The following LAMA2 variants were observed in gnomAD, a reference collection of about 807,000 sequenced individuals.
LAMA2 encodes the protein laminin subunit alpha 2.
LAMA2 carries 269 observed loss-of-function variants against 364.8 expected under a neutral mutation model. The observed-to-expected ratio is 0.74, with a 90% CI of 0.67 to 0.82. The LOEUF is 0.82. Ranked by LOEUF, LAMA2 falls within the 40% of genes least tolerant of loss-of-function variation. The probability of loss-of-function intolerance (pLI) is 0.00; values close to 1 mark genes in which losing one functional copy is unlikely to be tolerated. For missense variants in LAMA2, 3,807 were observed against 3,873.2 expected, an observed-to-expected ratio of 0.98 and a Z score of 0.45; for synonymous variants, 1,379 against 1,370.6, an observed-to-expected ratio of 1.01 and a Z score of -0.14.
intron 22 of LAMA2, among the ~76,000 whole-genome samples, chr6:129,310,608 T>C (rs1172170449): frequency 6.6e-6 from 1 of 152,094 alleles, no homozygotes; most frequent in Non-Finnish European, 1.5e-5. Context: ...GAAACTACAC[T>C]GGTTTTTTAA....
chr6:129,172,504 G>A (rs1234028839), intron 9 of LAMA2, among the ~76,000 whole-genome samples: 2 of 152,204 alleles, frequency 1.3e-5, no homozygotes, highest in Non-Finnish European at 2.9e-5. Flanking sequence ...AGGGGTCAGG[G>A]ACCCACTTGA....
chr6:129,282,417 G>A (rs1238113167), intron 18 of LAMA2, among the ~76,000 whole-genome samples: 1 of 152,144 alleles, frequency 6.6e-6, no homozygotes, highest in Non-Finnish European at 1.5e-5. Context: ...TGTGGGAACT[G>A]TGAGGTCTTA....
chr6:129,482,142 C>CA (rs1489077205), intron 55 of LAMA2, among the ~76,000 whole-genome samples: 5 of 152,084 alleles, frequency 3.3e-5, no homozygotes, highest in East Asian at 3.8e-4. Context: ...CCTTTCTCTA[C>CA]AAAAAATGTT....
At chr6:129,476,152 C>G (rs151067222) in intron 53 of LAMA2, among the ~76,000 whole-genome samples, 2 of 152,248 alleles carry the variant, frequency 1.3e-5, no homozygotes, top group African/African-American at 4.8e-5. Context: ...CTGGTATCCT[C>G]TGGCTAGAGC....
intron 48 of LAMA2, among the ~76,000 whole-genome samples, chr6:129,457,370 C>A (rs748652720): frequency 2.6e-5 from 4 of 152,050 alleles, no homozygotes; most frequent in Non-Finnish European, 5.9e-5. Context: ...ATATTATCAA[C>A]TTTCTCTCCT....
intron 4 of LAMA2, among the ~76,000 whole-genome samples, chr6:129,108,697 A>G (rs933286600): frequency 6.6e-6 from 1 of 152,126 alleles, no homozygotes; most frequent in African/African-American, 2.4e-5. Context: ...ACTGACCAAC[A>G]TTTCTTCCCA....
At chr6:128,947,084 A>G (rs1303427779) in intron 1 of LAMA2, among the ~76,000 whole-genome samples, 2 of 152,250 alleles carry the variant, frequency 1.3e-5, no homozygotes, top group East Asian at 3.8e-4. Flanking sequence ...AATTGCAAAC[A>G]CATCACCCTG....
At chr6:129,372,080 C>T (rs550699945) in intron 34 of LAMA2, among the ~76,000 whole-genome samples, 1 of 152,128 alleles carries the variant, frequency 6.6e-6, no homozygotes, top group Non-Finnish European at 1.5e-5. Context: ...CATATCTACT[C>T]CCTGCCCCCA....
chr6:129,324,536 G>A (rs572515380), intron 28 of LAMA2, among the ~76,000 whole-genome samples: 2 of 152,242 alleles, frequency 1.3e-5, no homozygotes, highest in African/African-American at 2.4e-5. Flanking sequence ...GCTGCTTAAC[G>A]ACAGGGATAC....
At chr6:129,106,489 C>T (rs1424374986) in intron 4 of LAMA2, among the ~76,000 whole-genome samples, 4 of 152,134 alleles carry the variant, frequency 2.6e-5, no homozygotes, top group Non-Finnish European at 5.9e-5. Flanking sequence ...CGGAGTATTA[C>T]TAATTTGTAT....
chr6:128,993,320 G>A (rs577495037), intron 1 of LAMA2, among the ~76,000 whole-genome samples: 12 of 152,286 alleles, frequency 7.9e-5, no homozygotes, highest in Admixed American at 2.6e-4. Flanking sequence ...GAACAGTTGC[G>A]TCTCACAAAT....
Position 129,453,109 on chromosome 6 carries a change from T to C in LAMA2, c.6551T>C (p.Phe2184Ser), listed in dbSNP as rs398123381. The C allele has an allele frequency of 2.5e-6, 4 of 1,613,006 alleles. No individual in the cohort carries two copies. Among genetic ancestry groups the C allele is most frequent in the Admixed American group, 3.3e-5 (2 of 60,004 alleles). The change falls in exon 46 of 65, where the codon TTT (phenylalanine) becomes TCT (serine). Residue 2184 changes from phenylalanine to serine, a missense_variant. Transcript: ENST00000421865. ...VKTAVADNLL[F>S]YLGSAKFIDF... ...ACAGCTGTTGCTGATAACCTCCTCT[T>C]TTATCTTGGAAGTGCCAAATTTGTA...
chr6:129,335,115 A>G (rs2114550372), intron 29 of LAMA2, among the ~76,000 whole-genome samples: 2 of 152,326 alleles, frequency 1.3e-5, no homozygotes, highest in South Asian at 4.1e-4. Flanking sequence ...AAAGAAACCC[A>G]GATCACCTTG....
At chr6:129,295,392 A>T (rs1011393169) in intron 20 of LAMA2, among the ~76,000 whole-genome samples, 8 of 152,188 alleles carry the variant, frequency 5.3e-5, no homozygotes, top group Admixed American at 2.0e-4. Flanking sequence ...CTGGGTCTGG[A>T]TAGCCACTCT....
At chr6:129,105,013 G>T (rs574165897) in intron 4 of LAMA2, among the ~76,000 whole-genome samples, 20 of 152,260 alleles carry the variant, frequency 1.3e-4, no homozygotes, top group Admixed American at 3.9e-4. Context: ...CGTTATCCAG[G>T]CTGCAAATAG....
chr6:129,449,385 G>A (rs986236053), intron 45 of LAMA2, among the ~76,000 whole-genome samples: 3 of 152,144 alleles, frequency 2.0e-5, no homozygotes. Context: ...GCTCAGGAGA[G>A]GAGGAACATT....
At chr6:128,907,028 G>T (rs1777528764) in intron 1 of LAMA2, among the ~76,000 whole-genome samples, 2 of 149,928 alleles carry the variant, frequency 1.3e-5, no homozygotes, top group Admixed American at 6.6e-5. Context: ...ATGCTGTTTT[G>T]GTTACTGTAG....
At chr6:129,217,293 A>G (rs1055098456) in intron 12 of LAMA2, among the ~76,000 whole-genome samples, 1 of 152,170 alleles carries the variant, frequency 6.6e-6, no homozygotes, top group Non-Finnish European at 1.5e-5. Flanking sequence ...TCTTCCATAT[A>G]TAAGTCCCAA....
intron 34 of LAMA2, among the ~76,000 whole-genome samples, chr6:129,371,339 A>G (rs1650681211): frequency 6.6e-6 from 1 of 152,150 alleles, no homozygotes; most frequent in Admixed American, 6.5e-5. Flanking sequence ...GGTATATAAT[A>G]AAACATGAAA....
Sources: allele counts gnomAD v4.1 joint callset (sites outside exome capture counted in the v4.1 genomes callset), GRCh38; gene constraint gnomAD v4.1.1; transcripts MANE v1.5; gene names NCBI Gene and HGNC (gene_info 2026-07-23, HGNC 2026-07-21).